The following CCDC14 variants were observed in gnomAD, a reference collection of about 807,000 sequenced individuals.
The protein encoded by CCDC14 is coiled-coil domain containing 14, also known as coiled-coil domain-containing protein 14.
Under a neutral mutation model 81.4 loss-of-function variants are expected in CCDC14, and 71 were observed. That is an observed-to-expected ratio of 0.87 (90% CI 0.72 to 1.06). The LOEUF is 1.06. Among genes scored for constraint, CCDC14 ranks in the 50% least tolerant of loss-of-function variants. The probability of loss-of-function intolerance (pLI) is 0.00; values close to 1 mark genes in which losing one functional copy is unlikely to be tolerated. For synonymous variants in CCDC14, 332 were observed against 364.8 expected, an observed-to-expected ratio of 0.91 and a Z score of 1.03; for missense variants, 1,046 against 1,047.3, an observed-to-expected ratio of 1.00 and a Z score of 0.02.
At chr3:123,899,855 A>G (rs1170882187) in intron 5 of CCDC14, among the ~76,000 whole-genome samples, 6 of 152,172 alleles carry the variant, frequency 3.9e-5, no homozygotes, top group Non-Finnish European at 8.8e-5. Context: ...CAGCCATGGG[A>G]GCACCTCACT....
chr3:123,950,217 A>G (rs548300213), intron 5 of CCDC14, among the ~76,000 whole-genome samples: 96 of 152,332 alleles, frequency 6.3e-4, no homozygotes, highest in African/African-American at 2.3e-3. Flanking sequence ...AGAAAAATAT[A>G]TGGATATTTG....
chr3:123,958,768 T>C (rs1004373510), intron 1 of CCDC14: 8 of 152,072 alleles, frequency 5.3e-5, no homozygotes, highest in African/African-American at 1.9e-4. Context: ...ATTATCCCAA[T>C]ACTGTTCTTT....
chr3:123,950,998 A>G (rs2036985640), intron 5 of CCDC14, among the ~76,000 whole-genome samples: 1 of 152,164 alleles, frequency 6.6e-6, no homozygotes, highest in African/African-American at 2.4e-5. Context: ...ATGGCTGAAG[A>G]TATCAGATGC....
chr3:123,935,592 C>T (rs1312033942), intron 9 of CCDC14, among the ~76,000 whole-genome samples: 2 of 152,126 alleles, frequency 1.3e-5, no homozygotes, highest in African/African-American at 2.4e-5. Context: ...GCGAGAGGTC[C>T]ACTTGTACTG....
At chr3:123,916,998 C>G (rs979921152) in intron 12 of CCDC14, among the ~76,000 whole-genome samples, 1 of 151,730 alleles carries the variant, frequency 6.6e-6, no homozygotes, top group Non-Finnish European at 1.5e-5. Context: ...CCCTCCACCA[C>G]GCAGGGCTAA....
intron 12 of CCDC14, among the ~76,000 whole-genome samples, chr3:123,924,324 CTG>C (rs2035234364): frequency 6.6e-6 from 1 of 152,080 alleles, no homozygotes; most frequent in Non-Finnish European, 1.5e-5. Flanking sequence ...AGACCTGAAA[CTG>C]TAAAACTACC....
At chr3:123,936,373 ATTCT>A (rs1308849867) in intron 9 of CCDC14, among the ~76,000 whole-genome samples, 1 of 152,126 alleles carries the variant, frequency 6.6e-6, no homozygotes, top group Non-Finnish European at 1.5e-5. Flanking sequence ...TATTCAAGTC[ATTCT>A]TTTTTTTTTA....
chr3:123,912,450 G>A (rs780981295), downstream of CCDC14, among the ~76,000 whole-genome samples: 26 of 152,082 alleles, frequency 1.7e-4, no homozygotes, highest in South Asian at 4.2e-4. Flanking sequence ...TTTAGACATC[G>A]CTCAGTGTGT....
At chr3:123,907,725 A>G (rs2034348411) in intron 5 of CCDC14, among the ~76,000 whole-genome samples, 1 of 151,832 alleles carries the variant, frequency 6.6e-6, no homozygotes, top group Admixed American at 6.6e-5. Context: ...ATAATAAAAA[A>G]AAAAACCCTT....
chr3:123,948,259 T>TA (rs1251406100), intron 7 of CCDC14, among the ~76,000 whole-genome samples: 1 of 149,928 alleles, frequency 6.7e-6, no homozygotes. Context: ...TTTTTTGAGA[T>TA]AGAGTCTCAC....
At chr3:123,949,386 T>C (rs1042622321) in intron 5 of CCDC14, 4 of 446,170 alleles carry the variant, frequency 9.0e-6, no homozygotes, top group African/African-American at 6.0e-5. Flanking sequence ...CTACTTGCCA[T>C]TTGTAAAATC....
chr3:123,956,168 G>A (rs949515502), intron 3 of CCDC14, 53 bp from the exon 4 acceptor site: 2 of 1,427,830 alleles, frequency 1.4e-6, no homozygotes, highest in East Asian at 2.5e-5. Context: ...GTTAGTGTAG[G>A]AAAAAATATA....
intron 12 of CCDC14, among the ~76,000 whole-genome samples, chr3:123,916,509 T>C (rs570551584): frequency 5.7e-5 from 8 of 140,892 alleles, no homozygotes; most frequent in Non-Finnish European, 1.2e-4. Context: ...TGTGGCACAA[T>C]ACTAGAAAAA....
rs771029869 is a variant in CCDC14 at position 123,915,282 on chromosome 3, G to A, written c.2215C>T (p.Pro739Ser). 1 of 1,613,842 alleles carries A rather than the reference G, an allele frequency of 6.2e-7. No homozygotes were observed. Among genetic ancestry groups the A allele is most frequent in the Non-Finnish European group, 8.5e-7 (1 of 1,179,884 alleles). The change falls in exon 13 of 13, where the codon CCT becomes TCT. Residue 739 changes from proline to serine, a missense_variant. Pro to Ser is a moderately conservative substitution (Grantham distance 74, BLOSUM62 -1). Coordinates refer to ENST00000409697, the MANE Select transcript of CCDC14 (RefSeq NM_001366335.1). ...TTAGAAAGTGGTGATTTCTTTTCAGGAGTGCTTCTAGCAAAAGGAATGTAA... is the reference window on the plus strand; with the variant it reads ...TTAGAAAGTGGTGATTTCTTTTCAGAAGTGCTTCTAGCAAAAGGAATGTAA... Reference protein sequence around the residue: ...TIYIPFARSTPEKKSPLSKRL... With the variant: ...TIYIPFARSTSEKKSPLSKRL...
chr3:123,915,303 T>C lies in CCDC14; in HGVS notation c.2194A>G (p.Ile732Val). The C allele has an allele frequency of 6.2e-7, 1 of 1,613,970 alleles. No homozygotes were observed. The change falls in exon 13 of 13, where the codon ATT (isoleucine) becomes GTT (valine). Residue 732 changes from isoleucine (I) to valine (V), a missense_variant. By Grantham distance (29) the Ile-to-Val change is conservative (BLOSUM62 3). Transcript: ENST00000409697. Reference sequence around the variant, plus strand: ...TCAGGAGTGCTTCTAGCAAAAGGAATGTAAATTGTATTATCCAAATTATGC... The same window carrying C: ...TCAGGAGTGCTTCTAGCAAAAGGAACGTAAATTGTATTATCCAAATTATGC... ...DEHNLDNTIY[I>V]PFARSTPEKK... is the part of the protein sequence containing the mutation.
chr3:123,892,985 T>C (rs2034011582), downstream of CCDC14, among the ~76,000 whole-genome samples: 1 of 152,106 alleles, frequency 6.6e-6, no homozygotes, highest in African/African-American at 2.4e-5. Context: ...TTTGTATTTT[T>C]AGTAGAGATG....
At chr3:123,912,879 C>T (rs2034478489), downstream of CCDC14, among the ~76,000 whole-genome samples, 1 of 152,122 alleles carries the variant, frequency 6.6e-6, no homozygotes, top group African/African-American at 2.4e-5. Context: ...CACCCCCTCC[C>T]CACCTCTATT....
At chr3:123,950,557 T>C (rs1441581394) in intron 5 of CCDC14, among the ~76,000 whole-genome samples, 1 of 152,158 alleles carries the variant, frequency 6.6e-6, no homozygotes, top group Non-Finnish European at 1.5e-5. Flanking sequence ...CAATCACATT[T>C]ATAGGAAGTC....
intron 5 of CCDC14, among the ~76,000 whole-genome samples, chr3:123,951,859 C>T (rs2037038107): frequency 6.6e-6 from 1 of 152,164 alleles, no homozygotes; most frequent in South Asian, 2.1e-4. Flanking sequence ...ATATTCTGCT[C>T]CTTTATAAAC....
Sources: allele counts gnomAD v4.1 joint callset (sites outside exome capture counted in the v4.1 genomes callset), GRCh38; gene constraint gnomAD v4.1.1; transcripts MANE v1.5; gene names NCBI Gene and HGNC (gene_info 2026-07-23, HGNC 2026-07-21).